RAD51B: variants seen among roughly 807,000 people sequenced by gnomAD.
RAD51B encodes RAD51 paralog B, also known as DNA repair protein RAD51 homolog 2.
In RAD51B, 38 loss-of-function variants were observed where a neutral mutation model predicts 42.2. The observed-to-expected ratio is 0.90, with a 90% CI of 0.70 to 1.18. The LOEUF (loss-of-function observed/expected upper bound fraction) is 1.18. RAD51B is among the 50% of genes most tolerant of loss of function. The pLI, the probability that RAD51B is intolerant of heterozygous loss-of-function variation, is 0.00. For synonymous variants in RAD51B, 154 were observed against 145.2 expected, an observed-to-expected ratio of 1.06 and a Z score of -0.43; for missense variants, 373 against 400.7, an observed-to-expected ratio of 0.93 and a Z score of 0.59.
intron 7 of RAD51B, among the ~76,000 whole-genome samples, chr14:68,280,968 G>A (rs990333071): frequency 2.6e-5 from 4 of 151,774 alleles, no homozygotes; most frequent in African/African-American, 9.7e-5. Context: ...GAGGTGGGAG[G>A]AACGCTTGAG....
chr14:68,393,808 G>T (rs1282817724), intron 8 of RAD51B, among the ~76,000 whole-genome samples: 1 of 152,146 alleles, frequency 6.6e-6, no homozygotes, highest in African/African-American at 2.4e-5. Context: ...TCTCACAGAG[G>T]GTGATGTTTT....
downstream of RAD51B, among the ~76,000 whole-genome samples, chr14:68,481,039 G>A (rs1883138759): frequency 6.6e-6 from 1 of 152,208 alleles, no homozygotes; most frequent in African/African-American, 2.4e-5. Flanking sequence ...AGTCCATGGT[G>A]AAGTCATAAA....
At chr14:68,079,860 G>A (rs1566628590) in intron 7 of RAD51B, among the ~76,000 whole-genome samples, 1 of 152,200 alleles carries the variant, frequency 6.6e-6, no homozygotes. Context: ...CACAGGCTCT[G>A]TCTCTCTAAC....
intron 9 of RAD51B, among the ~76,000 whole-genome samples, chr14:68,428,688 G>T (rs28462329): frequency 0.017 from 2,172 of 130,592 alleles, 84 homozygotes; most frequent in African/African-American, 0.064. Context: ...CATCCATGTT[G>T]CATATGGCAG....
At chr14:68,249,527 G>A (rs1566758616) in intron 7 of RAD51B, among the ~76,000 whole-genome samples, 1 of 152,200 alleles carries the variant, frequency 6.6e-6, no homozygotes, top group Non-Finnish European at 1.5e-5. Context: ...AATTGTAAAT[G>A]TTTTAATCTA....
chr14:68,398,475 A>G (rs1265282886), intron 8 of RAD51B, among the ~76,000 whole-genome samples: 1 of 152,126 alleles, frequency 6.6e-6, no homozygotes, highest in Non-Finnish European at 1.5e-5. Flanking sequence ...AAGGAGCAAG[A>G]CTGAGGAGGG....
chr14:68,264,827 T>C (rs1858350554), intron 7 of RAD51B, among the ~76,000 whole-genome samples: 1 of 152,188 alleles, frequency 6.6e-6, no homozygotes, highest in African/African-American at 2.4e-5. Flanking sequence ...TTTAATTTCC[T>C]TCTTTACCGT....
chr14:68,137,734 A>T (rs1048486616), intron 7 of RAD51B, among the ~76,000 whole-genome samples: 1 of 152,252 alleles, frequency 6.6e-6, no homozygotes, highest in Non-Finnish European at 1.5e-5. Flanking sequence ...GTTTTCTGAG[A>T]AGGTGAACAA....
At chr14:67,888,327 G>T (rs934147846) in intron 7 of RAD51B, among the ~76,000 whole-genome samples, 2 of 152,158 alleles carry the variant, frequency 1.3e-5, no homozygotes, top group Admixed American at 1.3e-4. Flanking sequence ...AGGGAACTTT[G>T]AAATACTGTA....
rs576958425 is a variant in RAD51B at position 67,942,174 on chromosome 14, A to C, written c.756+54970A>C. Among the ~76,000 whole-genome samples the C allele has an allele frequency of 3.3e-5, 5 of 152,316 alleles. No homozygotes were observed. The South Asian group carries it at 1.0e-3, about 32-fold the overall frequency. On this transcript the variant is annotated intron_variant, in intron 7 of 10. Coordinates refer to ENST00000471583, the MANE Select transcript of RAD51B (RefSeq NM_133510.4). ...ATAAGTAATTGGAGGGGAAAGGTTA[A>C]AATCCTGTAGAGGTTTAAGAATCAG...
At chr14:67,897,806 C>T (rs759798408) in intron 7 of RAD51B, among the ~76,000 whole-genome samples, 2 of 152,086 alleles carry the variant, frequency 1.3e-5, no homozygotes, top group Non-Finnish European at 2.9e-5. Flanking sequence ...TGTGCCACCA[C>T]GCCCAGCTAA....
intron 10 of RAD51B, among the ~76,000 whole-genome samples, chr14:68,622,212 G>T (rs1437812935): frequency 2.0e-5 from 3 of 152,310 alleles, no homozygotes; most frequent in Non-Finnish European, 2.9e-5. Context: ...ATCCTCACTT[G>T]GGATTAGACC....
chr14:68,292,121 G>C, intron 8 of RAD51B, 141 bp downstream of exon 8: 1 of 713,392 alleles, frequency 1.4e-6, no homozygotes, highest in Non-Finnish European at 2.3e-6. Context: ...ATTTAGGTTT[G>C]GCCACCTTTC....
Position 68,477,834 on chromosome 14 carries a change from A to G in RAD51B, c.*170A>G. The stretch of plus-strand genomic sequence containing the variant: ...TAAACCATTGAGCTAGCGATTTCAG[A>G]CCTAGCAGGGAAGGTGAAGATGAAG... On this transcript the variant is annotated 3_prime_UTR_variant, in exon 11 of 11. Transcript: ENST00000471583. 1.4e-6 allele frequency: 2 copies of G among 1,444,348 alleles called. No homozygotes were observed. The allele number at this position is 1,444,348 out of a possible 1,614,324, so 89.5% of individuals were successfully genotyped here. A position where few individuals can be genotyped will look rare whatever the true frequency, so the allele number is the denominator to read the frequency against.
At chr14:68,533,230 A>G (rs1262691682) in intron 10 of RAD51B, among the ~76,000 whole-genome samples, 1 of 152,226 alleles carries the variant, frequency 6.6e-6, no homozygotes, top group Non-Finnish European at 1.5e-5. Flanking sequence ...TACAACATCC[A>G]TATACAAAAG....
chr14:68,645,647 A>G (rs1892549977), intron 10 of RAD51B, among the ~76,000 whole-genome samples: 1 of 152,174 alleles, frequency 6.6e-6, no homozygotes, highest in Non-Finnish European at 1.5e-5. Flanking sequence ...ATGTCTCTAC[A>G]TTCTTACCAA....
chr14:68,496,313 G>A (rs764633088), intron 10 of RAD51B, among the ~76,000 whole-genome samples: 7 of 152,154 alleles, frequency 4.6e-5, no homozygotes, highest in Non-Finnish European at 1.0e-4. Context: ...ACTTGCCCCG[G>A]CAGCCTCCTC....
chr14:68,353,473 A>G (rs989479017), intron 8 of RAD51B, among the ~76,000 whole-genome samples: 1 of 152,204 alleles, frequency 6.6e-6, no homozygotes. Context: ...AAGTGCTGGA[A>G]TATCAGGGCT....
intron 7 of RAD51B, among the ~76,000 whole-genome samples, chr14:67,994,398 C>T (rs1362576844): frequency 6.6e-6 from 1 of 152,096 alleles, no homozygotes; most frequent in African/African-American, 2.4e-5. Context: ...TGAACATATT[C>T]ACTGGTTACA....
Sources: allele counts gnomAD v4.1 joint callset (sites outside exome capture counted in the v4.1 genomes callset), GRCh38; gene constraint gnomAD v4.1.1; transcripts MANE v1.5; gene names NCBI Gene and HGNC (gene_info 2026-07-23, HGNC 2026-07-21).